Variants in SCAPER observed in about 807,000 individuals in gnomAD.
SCAPER encodes S phase cyclin A-associated protein in the endoplasmic reticulum.
In SCAPER, 98 loss-of-function variants were observed where a neutral mutation model predicts 182.2. The observed-to-expected ratio is 0.54, with a 90% confidence interval of 0.46 to 0.64. SCAPER has a LOEUF of 0.64. Ranked by LOEUF, SCAPER falls within the 30% of genes least tolerant of loss-of-function variation. SCAPER has a pLI of 0.00. For synonymous variants in SCAPER, 605 were observed against 564.6 expected, an observed-to-expected ratio of 1.07 and a Z score of -1.01; for missense variants, 1,432 against 1,690.0, an observed-to-expected ratio of 0.85 and a Z score of 2.68.
At chr15:76,809,350 G>T (rs2066420276) in intron 5 of SCAPER, among the ~76,000 whole-genome samples, 1 of 152,128 alleles carries the variant, frequency 6.6e-6, no homozygotes, top group South Asian at 2.1e-4. Context: ...TCATAAAGAA[G>T]TTCGCCAAGG....
intron 23 of SCAPER, among the ~76,000 whole-genome samples, chr15:76,546,641 T>C (rs1266151460): frequency 1.3e-5 from 2 of 151,920 alleles, no homozygotes; most frequent in Non-Finnish European, 2.9e-5. Context: ...TCTCTCTCTC[T>C]CCCTCTCTCT....
At chr15:76,381,249 ATATAT>A in intron 28 of SCAPER, 124 bp downstream of exon 28, 1 of 572,474 alleles carries the variant, frequency 1.7e-6, no homozygotes, top group South Asian at 3.4e-5. Flanking sequence ...AAATTATAAT[ATATAT>A]TATAATTCCA....
intron 15 of SCAPER, among the ~76,000 whole-genome samples, 182 bp from the exon 16 acceptor site, chr15:76,733,566 T>C (rs1567961589): frequency 6.6e-6 from 1 of 151,106 alleles, no homozygotes; most frequent in Non-Finnish European, 1.5e-5. Context: ...CTAGCCAATA[T>C]GGTGAAACCC....
intron 1 of SCAPER, among the ~76,000 whole-genome samples, chr15:76,903,651 G>A (rs1269742613): frequency 6.6e-6 from 1 of 152,132 alleles, no homozygotes; most frequent in Non-Finnish European, 1.5e-5. Flanking sequence ...AATTTCTGTT[G>A]TTTATAAGCC....
intron 8 of SCAPER, among the ~76,000 whole-genome samples, chr15:76,793,968 T>C (rs558081938): frequency 8.5e-4 from 130 of 152,274 alleles, no homozygotes; most frequent in Non-Finnish European, 1.6e-3. Context: ...GCAGAACTGA[T>C]TGATTGGTTG....
chr15:76,459,503 T>A (rs2048989944), intron 25 of SCAPER, among the ~76,000 whole-genome samples: 1 of 151,776 alleles, frequency 6.6e-6, no homozygotes, highest in Admixed American at 6.6e-5. Flanking sequence ...GTGAAATATC[T>A]ATTCATGTCT....
intron 17 of SCAPER, among the ~76,000 whole-genome samples, chr15:76,711,340 A>G (rs1318576193): frequency 6.6e-6 from 1 of 152,194 alleles, no homozygotes; most frequent in East Asian, 1.9e-4. Flanking sequence ...CTCATTAACA[A>G]AATGACCCAA....
intron 21 of SCAPER, among the ~76,000 whole-genome samples, chr15:76,627,312 A>C (rs1439728461): frequency 6.6e-6 from 1 of 152,038 alleles, no homozygotes; most frequent in Non-Finnish European, 1.5e-5. Flanking sequence ...TGTAAGTGTC[A>C]CCTGTGTATT....
intron 25 of SCAPER, among the ~76,000 whole-genome samples, chr15:76,466,868 A>T (rs533028392): frequency 1.3e-5 from 2 of 152,060 alleles, no homozygotes; most frequent in African/African-American, 4.8e-5. Flanking sequence ...TTTCTCTGGT[A>T]TCTGTCTTTA....
intron 29 of SCAPER, among the ~76,000 whole-genome samples, chr15:76,367,712 A>T (rs2041902833): frequency 6.6e-6 from 1 of 152,140 alleles, no homozygotes; most frequent in Non-Finnish European, 1.5e-5. Context: ...CCTTGTGTGG[A>T]AAAATTCACT....
chr15:76,780,778 C>A (rs1166410271), intron 8 of SCAPER, among the ~76,000 whole-genome samples: 1 of 152,192 alleles, frequency 6.6e-6, no homozygotes, highest in African/African-American at 2.4e-5. Flanking sequence ...CTCCAACAGA[C>A]CTGCAGCTGA....
At chr15:76,895,391 T>TA (rs1186763587) in intron 1 of SCAPER, among the ~76,000 whole-genome samples, 3 of 151,946 alleles carry the variant, frequency 2.0e-5, no homozygotes, top group Non-Finnish European at 4.4e-5. Flanking sequence ...ATACAGATCA[T>TA]AGATGACAAG....
chr15:76,864,391 T>C (rs2072110484), intron 2 of SCAPER, among the ~76,000 whole-genome samples: 1 of 152,200 alleles, frequency 6.6e-6, no homozygotes, highest in South Asian at 2.1e-4. Flanking sequence ...CTAACTACAT[T>C]ACAGCATTTA....
At chr15:76,436,625 T>C (rs1433755144) in intron 25 of SCAPER, among the ~76,000 whole-genome samples, 1 of 143,126 alleles carries the variant, frequency 7.0e-6, no homozygotes, top group East Asian at 1.9e-4. Flanking sequence ...TTTAAAAGAT[T>C]TTTTTTTTGT....
chr15:76,603,394 G>A (rs1240057612), intron 22 of SCAPER, among the ~76,000 whole-genome samples: 1 of 121,718 alleles, frequency 8.2e-6, no homozygotes, highest in African/African-American at 2.5e-5. Flanking sequence ...GTATTCCATG[G>A]TGTATATGTG....
chr15:76,846,723 G>GA (rs1321820989), intron 4 of SCAPER, among the ~76,000 whole-genome samples: 2 of 151,910 alleles, frequency 1.3e-5, no homozygotes, highest in African/African-American at 4.8e-5. Flanking sequence ...GAGGATGTGG[G>GA]AAAAAATGGA....
intron 26 of SCAPER, among the ~76,000 whole-genome samples, chr15:76,412,154 T>G (rs1032343631): frequency 6.6e-6 from 1 of 152,174 alleles, no homozygotes; most frequent in Non-Finnish European, 1.5e-5. Context: ...TTCCTTTCCC[T>G]ATTAAATTAA....
At chr15:76,700,242 C>T (rs1009492172) in intron 20 of SCAPER, among the ~76,000 whole-genome samples, 1 of 152,230 alleles carries the variant, frequency 6.6e-6, no homozygotes, top group Non-Finnish European at 1.5e-5. Flanking sequence ...TAGAGGAACA[C>T]AGTGAGACTT....
intron 5 of SCAPER, among the ~76,000 whole-genome samples, chr15:76,819,446 A>G (rs1437389329): frequency 6.6e-6 from 1 of 152,204 alleles, no homozygotes. Flanking sequence ...TCTGTTCTGC[A>G]GCCACTGCTG....
Sources: allele counts gnomAD v4.1 joint callset (sites outside exome capture counted in the v4.1 genomes callset), GRCh38; gene constraint gnomAD v4.1.1; transcripts MANE v1.5; gene names NCBI Gene and HGNC (gene_info 2026-07-23, HGNC 2026-07-21).